Variants in ACOT7 observed in about 807,000 individuals in gnomAD.
ACOT7 encodes the protein cytosolic acyl coenzyme A thioester hydrolase.
Under a neutral mutation model 40.2 loss-of-function variants are expected in ACOT7, and 12 were observed. That is an observed-to-expected ratio of 0.30 (90% CI 0.19 to 0.48). The LOEUF (loss-of-function observed/expected upper bound fraction) is 0.48. Among genes scored for constraint, ACOT7 ranks in the 20% least tolerant of loss-of-function variants. The pLI is 0.99. For missense variants in ACOT7, 395 were observed against 530.8 expected (o/e 0.74, Z 2.51); for synonymous variants, 228 against 219.5 (o/e 1.04, Z -0.34).
chr1:6,296,204 A>T (rs1169871179), intron 6 of ACOT7, among the ~76,000 whole-genome samples: 1 of 152,080 alleles, frequency 6.6e-6, no homozygotes, highest in African/African-American at 2.4e-5. Flanking sequence ...GTACACTTTA[A>T]ATAGGTGAAA....
At chr1:6,345,665 G>A (rs1462157980) in intron 2 of ACOT7, among the ~76,000 whole-genome samples, 2 of 152,206 alleles carry the variant, frequency 1.3e-5, no homozygotes, top group Admixed American at 6.5e-5. Context: ...AGAGGGTGCG[G>A]TCTCATCACC....
At chr1:6,328,511 G>A (rs576540374) in intron 4 of ACOT7, among the ~76,000 whole-genome samples, 51 of 151,880 alleles carry the variant, frequency 3.4e-4, no homozygotes, top group African/African-American at 8.2e-4. Context: ...GTGAAACCCC[G>A]CCTCTACTAA....
chr1:6,357,232 C>T (rs560541021), intron 1 of ACOT7, among the ~76,000 whole-genome samples: 3 of 151,552 alleles, frequency 2.0e-5, no homozygotes, highest in African/African-American at 4.8e-5. Flanking sequence ...AGCGAAACTC[C>T]GCCTCAAAAA....
intron 8 of ACOT7, among the ~76,000 whole-genome samples, chr1:6,271,595 C>T (rs1415599390): frequency 6.6e-6 from 1 of 152,210 alleles, no homozygotes; most frequent in Non-Finnish European, 1.5e-5. Context: ...CTTGCCTTAG[C>T]GGAGCCTGTC....
chr1:6,285,296 C>T lies in ACOT7; in HGVS notation c.830-4010G>A, dbSNP rs56777515. ...CTGAGCAGCCCAGAATCAGGAGTGC[C>T]CAGGAGCATGGCCAGCAGCCCCTTC... On this transcript the variant is annotated intron_variant, in intron 7 of 8. Coordinates refer to ENST00000361521, the MANE Select transcript of ACOT7 (RefSeq NM_007274.4). Among the ~76,000 whole-genome samples the T allele has an allele frequency of 9.5e-3, 1,448 of 152,300 alleles. 21 individuals are homozygous for T. The highest frequency in any genetic ancestry group is 0.033 in the African/African-American group (1,383 of 41,566).
chr1:6,332,016 C>G (rs922494198), intron 4 of ACOT7, among the ~76,000 whole-genome samples: 4 of 152,316 alleles, frequency 2.6e-5, no homozygotes, highest in Admixed American at 2.6e-4. Flanking sequence ...GCCAGGCCTC[C>G]TACAGGCGGG....
In ACOT7 at chr1:6,359,564, C is replaced by T. The variant is rs946549305; in HGVS notation, c.144-9698G>A. Among the ~76,000 whole-genome samples the T allele has an allele frequency of 4.6e-5, 7 of 152,086 alleles. No homozygotes were observed. The highest frequency in any genetic ancestry group is 1.3e-4 in the Admixed American group (2 of 15,272). On this transcript the variant is annotated intron_variant, in intron 1 of 8. Coordinates refer to ENST00000361521, the MANE Select transcript of ACOT7 (RefSeq NM_007274.4). This position sits in a 1 kb window ranked among gnomAD's most constrained non-coding sequence, Gnocchi z 4.1. ...CCACTCCCGCGGGCTCTTAGGCTGC[C>T]GGCTGCCACCTGTGGGCCCTGTGCC...
chr1:6,291,499 G>T (rs1463316551), intron 7 of ACOT7, among the ~76,000 whole-genome samples: 1 of 152,194 alleles, frequency 6.6e-6, no homozygotes, highest in Non-Finnish European at 1.5e-5. Flanking sequence ...AGAACTGGGG[G>T]CGAACAGATG....
At chr1:6,351,161 A>C (rs1267751775) in intron 1 of ACOT7, among the ~76,000 whole-genome samples, 1 of 152,220 alleles carries the variant, frequency 6.6e-6, no homozygotes, top group Non-Finnish European at 1.5e-5. Flanking sequence ...AGCAACCCAT[A>C]GCTGCCCATC....
chr1:6,298,145 T>C (rs1639864591), intron 6 of ACOT7, among the ~76,000 whole-genome samples: 1 of 152,140 alleles, frequency 6.6e-6, no homozygotes, highest in Non-Finnish European at 1.5e-5. Flanking sequence ...GTCTTTCTTT[T>C]TCTTTTTGAG....
At chr1:6,374,757 C>T (rs1482631393) in intron 1 of ACOT7, among the ~76,000 whole-genome samples, 1 of 152,234 alleles carries the variant, frequency 6.6e-6, no homozygotes, top group Non-Finnish European at 1.5e-5. Context: ...GGACACCCTA[C>T]ACTATTCCAC....
chr1:6,316,916 A>G (rs925988833), intron 6 of ACOT7, among the ~76,000 whole-genome samples: 6 of 152,212 alleles, frequency 3.9e-5, no homozygotes, highest in African/African-American at 1.4e-4. Flanking sequence ...TGGGTGCTGG[A>G]GCCAACACAA....
At chr1:6,385,908 CA>C (rs1441505632) in intron 1 of ACOT7, 1 of 1,181,510 alleles carries the variant, frequency 8.5e-7, no homozygotes, top group Non-Finnish European at 1.1e-6. Flanking sequence ...GCAAGGAATC[CA>C]TGACTCGGCC....
At position 6,393,357 on chromosome 1, in the gene ACOT7, C is replaced by A; in HGVS notation, c.43G>T (p.Asp15Tyr). The A allele has an allele frequency of 1.6e-6, 2 of 1,242,708 alleles. No individual in the cohort carries two copies. Among genetic ancestry groups the A allele is most frequent in the Non-Finnish European group, 2.0e-6 (2 of 992,124 alleles). The allele number at this position is 1,242,708 out of a possible 1,614,324, so 77.0% of individuals were successfully genotyped here. Residue 15 changes from aspartate (D) to tyrosine (Y), a missense_variant, in exon 1 of 9, where the codon GAC becomes TAC. Asp to Tyr is a radical substitution (Grantham distance 160). Transcript: ENST00000361521. ...GLIHSAPGLP[D>Y]TCALLQPPAA... ...GGCGGCTGCAGAAGGGCGCAGGTGTCTGGCAGGCCCGGCGCGGAATGAATG... is the reference window on the plus strand; with the variant it reads ...GGCGGCTGCAGAAGGGCGCAGGTGTATGGCAGGCCCGGCGCGGAATGAATG...
At chr1:6,271,089 A>G (rs749811064) in intron 8 of ACOT7, among the ~76,000 whole-genome samples, 1 of 152,072 alleles carries the variant, frequency 6.6e-6, no homozygotes, top group Non-Finnish European at 1.5e-5. Flanking sequence ...CCCTCCACTT[A>G]GTGCTTCCTG....
intron 2 of ACOT7, among the ~76,000 whole-genome samples, chr1:6,342,007 C>A (rs1475575160): frequency 6.6e-6 from 1 of 152,210 alleles, no homozygotes. Flanking sequence ...CCCTGGGGAT[C>A]ATCCTCTGTA....
intron 1 of ACOT7, among the ~76,000 whole-genome samples, chr1:6,372,319 G>A (rs1289302242): frequency 6.6e-6 from 1 of 152,164 alleles, no homozygotes; most frequent in Non-Finnish European, 1.5e-5. Context: ...GGAATGTTGT[G>A]GCTGATTTCA....
intron 2 of ACOT7, among the ~76,000 whole-genome samples, chr1:6,345,090 G>T (rs1015497347): frequency 4.6e-5 from 7 of 152,204 alleles, no homozygotes; most frequent in African/African-American, 1.7e-4. Flanking sequence ...ACAAGTATTT[G>T]CGTTCCATGG....
At position 6,271,258 on chromosome 1, in the gene ACOT7, G is replaced by A. The variant is rs186559077; in HGVS notation, c.1015-6563C>T. 3.9e-5 allele frequency among the ~76,000 whole-genome samples: 6 copies of A among 152,286 alleles called. No individual in the cohort carries two copies. In the East Asian group the frequency reaches 7.7e-4, roughly 20 times the overall value. On this transcript the variant is annotated intron_variant, in intron 8 of 8. Transcript: ENST00000361521. ...GGACGAGTGACTAAGTTCCACCCTC[G>A]GTAAAATCAATAGCTTGTCCTTTTT...
Sources: gnomAD v4.1 joint callset for allele counts (sites outside exome capture counted in the v4.1 genomes callset) on GRCh38, gnomAD v4.1.1 for gene constraint, Gnocchi (gnomAD v3.1) non-coding constraint, MANE v1.5 for transcripts, NCBI Gene and HGNC (gene_info 2026-07-23, HGNC 2026-07-21) for gene names.